The following ADAM2 variants were observed in gnomAD, a reference collection of about 807,000 sequenced individuals.
ADAM2 encodes ADAM metallopeptidase domain 2, also known as disintegrin and metalloproteinase domain-containing protein 2.
ADAM2 carries 101 observed loss-of-function variants against 99.3 expected under a neutral mutation model. The observed-to-expected ratio is 1.02, with a 90% CI of 0.87 to 1.20. The LOEUF is 1.20. ADAM2 is among the 50% of genes most tolerant of loss of function. ADAM2 has a pLI of 0.00. For synonymous variants in ADAM2, 323 were observed against 287.6 expected, an observed-to-expected ratio of 1.12 and a Z score of -1.25; for missense variants, 948 against 878.7, an observed-to-expected ratio of 1.08 and a Z score of -1.00.
intron 4 of ADAM2, among the ~76,000 whole-genome samples, chr8:39,822,072 G>A (rs1355128457): frequency 6.6e-6 from 1 of 152,062 alleles, no homozygotes; most frequent in East Asian, 1.9e-4. Context: ...TCTTTCTACT[G>A]TGATACCTAA....
At chr8:39,788,619 T>C (rs770922166) in intron 8 of ADAM2, 50 bp downstream of exon 8, 2 of 1,298,664 alleles carry the variant, frequency 1.5e-6, no homozygotes, top group Admixed American at 2.1e-5. Flanking sequence ...GGTGTAGAAA[T>C]TGTTTTAGTA....
chr8:39,770,212 G>A (rs1563346326), intron 11 of ADAM2, among the ~76,000 whole-genome samples: 1 of 152,110 alleles, frequency 6.6e-6, no homozygotes, highest in African/African-American at 2.4e-5. Context: ...CTCCCAAAGT[G>A]TTGGGATTAC....
intron 7 of ADAM2, among the ~76,000 whole-genome samples, chr8:39,804,704 T>G (rs1804365498): frequency 6.6e-6 from 1 of 152,094 alleles, no homozygotes. Context: ...ATGAGTATTA[T>G]TAAAATATGG....
chr8:39,749,812 T>A, intron 16 of ADAM2, 68 bp from the exon 17 acceptor site: 3 of 1,187,206 alleles, frequency 2.5e-6, no homozygotes, highest in Non-Finnish European at 2.5e-6. Context: ...TTAAAAGCAT[T>A]CCATACCATA....
At chr8:39,746,753 C>T (rs1235137666) in intron 18 of ADAM2, 122 bp from the exon 19 acceptor site, 1 of 786,308 alleles carries the variant, frequency 1.3e-6, no homozygotes, top group Non-Finnish European at 1.9e-6. Context: ...TAAAAATTAA[C>T]ATATTTTCTA....
Position 39,755,831 on chromosome 8 carries a change from G to A in ADAM2, c.1694C>T (p.Ala565Val), listed in dbSNP as rs1254747635. 8 of 1,605,538 alleles carry A rather than the reference G, an allele frequency of 5.0e-6. No homozygotes were observed. The highest frequency in any genetic ancestry group is 6.8e-6 in the Non-Finnish European group (8 of 1,173,006). Reference sequence around the variant, plus strand: ...AATGCAGAGATGTCCACTTATGTTGGCATAAATAATAGTGGCTCTTGGAAT... The same window carrying A: ...AATGCAGAGATGTCCACTTATGTTGACATAAATAATAGTGGCTCTTGGAAT... The part of the protein sequence containing the change: ...LQIPRATIIY[A>V]NISGHLCIAV... Residue 565 changes from alanine to valine, a missense_variant, in exon 16 of 21, where the codon GCC becomes GTC. By Grantham distance (64) the Ala-to-Val change is moderately conservative. Transcript: ENST00000265708.
chr8:39,822,707 C>T (rs533085068), intron 4 of ADAM2, among the ~76,000 whole-genome samples: 8 of 150,672 alleles, frequency 5.3e-5, no homozygotes, highest in East Asian at 1.9e-4. Context: ...CTTTCATTTC[C>T]GTCAATTATG....
At chr8:39,819,680 T>C (rs1805098213) in intron 6 of ADAM2, among the ~76,000 whole-genome samples, 1 of 152,166 alleles carries the variant, frequency 6.6e-6, no homozygotes, top group Non-Finnish European at 1.5e-5. Flanking sequence ...CAGCAGACTA[T>C]GTTGGTCTTA....
intron 14 of ADAM2, among the ~76,000 whole-genome samples, chr8:39,766,035 T>C (rs996743302): frequency 2.6e-5 from 4 of 152,322 alleles, no homozygotes; most frequent in Non-Finnish European, 5.9e-5. Context: ...CACCATGGTT[T>C]TCTTTTTTGT....
intron 10 of ADAM2, among the ~76,000 whole-genome samples, chr8:39,782,912 C>T (rs964548809): frequency 1.3e-5 from 2 of 152,096 alleles, no homozygotes; most frequent in Admixed American, 1.3e-4. Flanking sequence ...TATAGCGTCT[C>T]TTAGCTTAAC....
chr8:39,803,505 C>G lies in ADAM2; in HGVS notation c.570+5905G>C, dbSNP rs149457428. Among the ~76,000 whole-genome samples the G allele has an allele frequency of 2.5e-4, 38 of 152,284 alleles. No individual in the cohort carries two copies. In the East Asian group the frequency reaches 7.2e-3, roughly 29 times the overall value. ...GCAGAGTGATCTCATGTTAAACAAT[C>G]CACTTTTTTTGAGCTATGCTTCTTC... On this transcript the variant is annotated intron_variant, in intron 7 of 20. Coordinates refer to ENST00000265708, the MANE Select transcript of ADAM2 (RefSeq NM_001464.5).
At chr8:39,816,122 C>T (rs951749813) in intron 6 of ADAM2, among the ~76,000 whole-genome samples, 3 of 151,916 alleles carry the variant, frequency 2.0e-5, no homozygotes, top group African/African-American at 7.3e-5. Context: ...ATGGTGAAAC[C>T]CCATCTCAAC....
At chr8:39,827,202 T>C (rs1183875600) in intron 3 of ADAM2, among the ~76,000 whole-genome samples, 1 of 152,132 alleles carries the variant, frequency 6.6e-6, no homozygotes, top group Non-Finnish European at 1.5e-5. Flanking sequence ...TACTCCTGTT[T>C]GATTGGCTAT....
chr8:39,807,038 A>G (rs1027880101), intron 7 of ADAM2, among the ~76,000 whole-genome samples: 1 of 152,184 alleles, frequency 6.6e-6, no homozygotes, highest in Non-Finnish European at 1.5e-5. Flanking sequence ...TAATTTCCAC[A>G]GTTTGGATGG....
intron 7 of ADAM2, among the ~76,000 whole-genome samples, chr8:39,794,507 A>C (rs2129585886): frequency 6.6e-6 from 1 of 152,226 alleles, no homozygotes; most frequent in South Asian, 2.1e-4. Context: ...GTAAAAACTA[A>C]AAGGCAGAAA....
intron 1 of ADAM2, among the ~76,000 whole-genome samples, 169 bp from the exon 2 acceptor site, chr8:39,837,381 G>GTTTTTTT (rs112475501): frequency 7.0e-6 from 1 of 142,438 alleles, no homozygotes; most frequent in Non-Finnish European, 1.5e-5. Flanking sequence ...CTGTTTTTCT[G>GTTTTTTT]TTTTTTTTTT....
chr8:39,767,170 A>C lies in ADAM2; in HGVS notation c.1294T>G (p.Cys432Gly), dbSNP rs777212743. The change falls in exon 13 of 21, where the codon TGC (cysteine) becomes GGC (glycine). Residue 432 changes from cysteine to glycine, a missense_variant. Coordinates refer to ENST00000265708, the MANE Select transcript of ADAM2 (RefSeq NM_001464.5). Reference sequence around the variant, plus strand: ...GCTCTTACTAGACAGTTTTCGCAGCATGGTCCTTCAGCACAGTTTGAACCG... The same window carrying C: ...GCTCTTACTAGACAGTTTTCGCAGCCTGGTCCTTCAGCACAGTTTGAACCG... ...KAGSNCAEGP[C>G]CENCLFMSKE... 6.2e-7 allele frequency: 1 copy of C among 1,606,950 alleles called. No individual in the cohort carries two copies. Among genetic ancestry groups the C allele is most frequent in the South Asian group, 1.1e-5 (1 of 89,926 alleles).
intron 6 of ADAM2, among the ~76,000 whole-genome samples, chr8:39,818,786 G>C (rs1160997693): frequency 1.3e-5 from 2 of 151,898 alleles, no homozygotes; most frequent in South Asian, 2.1e-4. Context: ...AATCCAAACT[G>C]ATATAAAATT....
intron 12 of ADAM2, among the ~76,000 whole-genome samples, chr8:39,768,331 A>G (rs1235986545): frequency 1.3e-5 from 2 of 152,226 alleles, no homozygotes; most frequent in Non-Finnish European, 2.9e-5. Context: ...TTGGAAGGCT[A>G]CATGAGTGAC....
Sources: gnomAD v4.1 joint callset for allele counts (sites outside exome capture counted in the v4.1 genomes callset) on GRCh38, gnomAD v4.1.1 for gene constraint, MANE v1.5 for transcripts, NCBI Gene and HGNC (gene_info 2026-07-23, HGNC 2026-07-21) for gene names.